TENM2: variants seen among roughly 807,000 people sequenced by gnomAD.
TENM2 encodes teneurin-2.
Under a neutral mutation model 245.2 loss-of-function variants are expected in TENM2, and 52 were observed. That is an observed-to-expected ratio of 0.21 (90% CI 0.17 to 0.27). TENM2 has a LOEUF of 0.27. Among genes scored for constraint, TENM2 ranks in the 10% least tolerant of loss-of-function variants. TENM2 has a pLI of 1.00. For missense variants in TENM2, 3,046 were observed against 3,666.8 expected, an observed-to-expected ratio of 0.83 and a Z score of 4.37; for synonymous variants, 1,363 against 1,438.9, an observed-to-expected ratio of 0.95 and a Z score of 1.19.
chr5:167,416,677 C>CTCTTTT (rs1554147901), intron 2 of TENM2, among the ~76,000 whole-genome samples: 1 of 149,800 alleles, frequency 6.7e-6, no homozygotes, highest in Non-Finnish European at 1.5e-5. Context: ...TACTCTCTTG[C>CTCTTTT]TGTTTTTGTT....
the TENM2 span, among the ~76,000 whole-genome samples, chr5:167,031,380 T>A: frequency 6.6e-6 from 1 of 152,344 alleles, no homozygotes; most frequent in East Asian, 1.9e-4. Flanking sequence ...TCCCTGAGCC[T>A]GGATTCCCAC....
intron 2 of TENM2, among the ~76,000 whole-genome samples, chr5:167,505,619 G>A (rs1197586440): frequency 6.6e-6 from 1 of 152,184 alleles, no homozygotes; most frequent in Admixed American, 6.5e-5. Flanking sequence ...GAAGTAAACA[G>A]GAGGTGGGAG....
rs368686947 is a variant in TENM2, at chr5:168,218,075, G to T, written c.4234-50G>T. On this transcript the variant is annotated intron_variant, in intron 22 of 28. Coordinates refer to ENST00000518659, the Ensembl canonical transcript of TENM2. This position sits in a 1 kb window ranked among gnomAD's most constrained non-coding sequence, Gnocchi z 5.2. Reference sequence around the variant, plus strand: ...ACCAGTAAGTGCCGTACGGTTAAACGTTGGACATATTAAAGGCTGTTCTTT... The same window carrying T: ...ACCAGTAAGTGCCGTACGGTTAAACTTTGGACATATTAAAGGCTGTTCTTT... The T allele has an allele frequency of 6.4e-7, 1 of 1,572,608 alleles. No individual in the cohort carries two copies. The highest frequency in any genetic ancestry group is 1.8e-5 in the Admixed American group (1 of 56,384).
rs1766658219 is a variant in TENM2 at position 168,247,191 on chromosome 5, G to A, written c.6252G>A (p.Met2084Ile). 1.2e-6 allele frequency: 2 copies of A among 1,613,912 alleles called. No individual in the cohort carries two copies. The highest frequency in any genetic ancestry group is 2.2e-5 in the East Asian group (1 of 44,854). Reference sequence around the variant, plus strand: ...TCTACAGGTTCTCCGAGGAAGGCATGGTCAATGCCAGGTTTGACTACACCT... The same window carrying A: ...TCTACAGGTTCTCCGAGGAAGGCATAGTCAATGCCAGGTTTGACTACACCT... Residue 2084 changes from methionine (M) to isoleucine (I), a missense_variant, in exon 27 of 29, where the codon ATG becomes ATA. Transcript: ENST00000518659. This position sits in a 1 kb window ranked among gnomAD's most constrained non-coding sequence, Gnocchi z 7.8.
At chr5:168,248,297 C>A (rs747148483) in exon 27 of TENM2, 1 of 1,613,992 alleles carries the variant, frequency 6.2e-7, no homozygotes, top group South Asian at 1.1e-5. Flanking sequence ...AAGGAGCCGG[C>A]CCCCTTTAAC....
chr5:168,079,970 T>C (rs1791834839), intron 7 of TENM2, among the ~76,000 whole-genome samples: 2 of 152,220 alleles, frequency 1.3e-5, no homozygotes, highest in South Asian at 4.1e-4. Flanking sequence ...GGATTCCCTC[T>C]TTTTCTATTA....
intron 9 of TENM2, among the ~76,000 whole-genome samples, chr5:168,114,480 C>T (rs1328061803): frequency 6.6e-6 from 1 of 152,168 alleles, no homozygotes. Context: ...TCACATCCAG[C>T]CTCTTGAACA....
intron 2 of TENM2, among the ~76,000 whole-genome samples, chr5:167,492,261 G>A (rs1768477323): frequency 6.6e-6 from 1 of 152,092 alleles, no homozygotes; most frequent in Admixed American, 6.6e-5. Flanking sequence ...TGGACTAAGA[G>A]AGATATTATC....
chr5:167,290,254 C>A (rs1754555815), intron 1 of TENM2, among the ~76,000 whole-genome samples: 1 of 152,084 alleles, frequency 6.6e-6, no homozygotes, highest in African/African-American at 2.4e-5. Flanking sequence ...TTGTCCATAT[C>A]CCAGTGCTGA....
rs1328837952 is a variant in TENM2, at chr5:167,495,243, TG to T, written c.502+119771del. 5.5e-4 allele frequency among the ~76,000 whole-genome samples: 39 copies of T among 71,088 alleles called. 1 individual carries two copies. In the Admixed American group the frequency reaches 6.9e-3, roughly 13 times the overall value. 46.6% of individuals were successfully genotyped at this position (71,088 alleles called of 152,430 possible). A position where few individuals can be genotyped will look rare whatever the true frequency, so the allele number is the denominator to read the frequency against. ...TTAATGTTTTTTTTGTTTTGTTTTT[TG>T]TTTTTTTTTTTTGCATATTGAGACT... On this transcript the variant is annotated intron_variant, in intron 2 of 28. Coordinates refer to ENST00000518659, the Ensembl canonical transcript of TENM2.
intron 4 of TENM2, among the ~76,000 whole-genome samples, chr5:167,971,340 T>G (rs1781764708): frequency 7.0e-6 from 1 of 143,758 alleles, no homozygotes; most frequent in African/African-American, 2.6e-5. Flanking sequence ...GGTCGGCCCT[T>G]GATTCTGACC....
chr5:167,079,164 T>C, the TENM2 span, among the ~76,000 whole-genome samples: 2 of 152,026 alleles, frequency 1.3e-5, no homozygotes, highest in East Asian at 3.9e-4. Context: ...TTTTAGTCCA[T>C]GGGCAAATTC....
chr5:167,649,053 TA>T lies in TENM2; in HGVS notation c.503-226929del, dbSNP rs200748449. Among the ~76,000 whole-genome samples, 861 of 152,294 alleles carry T rather than the reference TA, an allele frequency of 5.7e-3. 5 individuals carry two copies. The highest frequency in any genetic ancestry group is 0.03 in the East Asian group (156 of 5,162). On this transcript the variant is annotated intron_variant, in intron 2 of 28. Coordinates refer to ENST00000518659, the Ensembl canonical transcript of TENM2. ...ATGATGACTTTTAGGATTAGATTGT[TA>T]AAACATCTGTCACACCACAAAGAGT...
At position 167,842,427 on chromosome 5, in the gene TENM2, A is replaced by G. The variant is rs568803381; in HGVS notation, c.503-33559A>G. Reference sequence around the variant, plus strand: ...AACTTGGTGAAAGACTATCTCTACTAAAAATACAAAAATTAGCTAGGCATG... The same window carrying G: ...AACTTGGTGAAAGACTATCTCTACTGAAAATACAAAAATTAGCTAGGCATG... On this transcript the variant is annotated intron_variant, in intron 2 of 28. Transcript: ENST00000518659. 3.9e-5 allele frequency among the ~76,000 whole-genome samples: 6 copies of G among 151,986 alleles called. No homozygotes were observed. The East Asian group carries it at 7.8e-4, about 20-fold the overall frequency.
chr5:167,873,457 C>T lies in TENM2; in HGVS notation c.503-2529C>T, dbSNP rs577450552. Among the ~76,000 whole-genome samples, 367 of 152,240 alleles carry T rather than the reference C, an allele frequency of 2.4e-3. 1 individual carries two copies. Among genetic ancestry groups the T allele is most frequent in the African/African-American group, 8.5e-3 (354 of 41,536 alleles). On this transcript the variant is annotated intron_variant, in intron 2 of 28. Transcript: ENST00000518659. ...GTTAAACCCAAGTTTGAATCCTGGC[C>T]TCTGCTGCTTAACTATCTGTGCGGT... is the stretch of plus-strand genomic sequence containing the variant.
chr5:167,465,698 G>A (rs1251164817), intron 2 of TENM2, among the ~76,000 whole-genome samples: 1 of 152,184 alleles, frequency 6.6e-6, no homozygotes, highest in Non-Finnish European at 1.5e-5. Context: ...GGGCTTGGTG[G>A]CGGGCGCCTG....
chr5:168,043,536 G>C (rs1788374002), intron 5 of TENM2, among the ~76,000 whole-genome samples: 1 of 152,176 alleles, frequency 6.6e-6, no homozygotes, highest in Admixed American at 6.5e-5. Context: ...TTTCAGAAAG[G>C]ACCTTAACCC....
chr5:167,945,406 C>T (rs1005897468), intron 3 of TENM2, among the ~76,000 whole-genome samples: 1 of 152,164 alleles, frequency 6.6e-6, no homozygotes, highest in Middle Eastern at 3.2e-3. Context: ...CCTCAGTCTC[C>T]TCATCTTTAA....
In TENM2 at chr5:168,033,594, C is replaced by G. The variant is rs531915567; in HGVS notation, c.1187-13833C>G. Among the ~76,000 whole-genome samples the G allele has an allele frequency of 4.1e-4, 63 of 152,234 alleles. 2 individuals are homozygous for G. Among genetic ancestry groups the G allele is most frequent in the African/African-American group, 1.5e-3 (62 of 41,542 alleles). On this transcript the variant is annotated intron_variant, in intron 5 of 28. Transcript: ENST00000518659. ...TTGTAGTTTTTTAGACAGAAGTTTT[C>G]AAGCCATTCTTTCATTCAAATAAAT...
Sources: gnomAD v4.1 joint callset for allele counts (sites outside exome capture counted in the v4.1 genomes callset) on GRCh38, gnomAD v4.1.1 for gene constraint, Gnocchi (gnomAD v3.1) non-coding constraint, MANE v1.5 for transcripts, NCBI Gene and HGNC (gene_info 2026-07-23, HGNC 2026-07-21) for gene names.